DNAI1: variants seen among roughly 807,000 people sequenced by gnomAD.
DNAI1 encodes the protein dynein, axonemal, intermediate polypeptide 1.
A neutral mutation model predicts 92.0 loss-of-function variants in DNAI1; 67 were observed. The observed-to-expected ratio is 0.73, with a 90% CI of 0.60 to 0.89. The LOEUF is 0.89. DNAI1 is among the 40% of genes least tolerant of loss of function. The pLI, the probability that DNAI1 is intolerant of heterozygous loss-of-function variation, is 0.00. For synonymous variants in DNAI1, 323 were observed against 319.6 expected (o/e 1.01, Z -0.11); for missense variants, 839 against 866.6 (o/e 0.97, Z 0.40).
intron 15 of DNAI1, 107 bp downstream of exon 15, chr9:34,512,531 G>T: frequency 9.0e-7 from 1 of 1,108,192 alleles, no homozygotes. Context: ...TCCCCAACCT[G>T]TGCCAGGGCC....
chr9:34,484,966 A>T, intron 2 of DNAI1, 176 bp from the exon 3 acceptor site: 1 of 638,856 alleles, frequency 1.6e-6, no homozygotes, highest in South Asian at 1.7e-5. Context: ...GGCAATGAGA[A>T]CTCTGGCCTG....
In DNAI1 at chr9:34,468,294, G is replaced by A. The variant is rs867413823; in HGVS notation, c.48+9241G>A. Among the ~76,000 whole-genome samples the A allele has an allele frequency of 1.2e-4, 18 of 151,568 alleles. No individual in the cohort carries two copies. In the South Asian group the frequency reaches 3.7e-3, roughly 32 times the overall value. The stretch of plus-strand genomic sequence containing the variant: ...CCTTCCAGGTTCACGCCATTCTCCT[G>A]CCTCAGCCTCCCGAGTAGCTGGGAC... On this transcript the variant is annotated intron_variant, in intron 1 of 19. Transcript: ENST00000242317.
chr9:34,485,114 C>T, intron 2 of DNAI1, 28 bp from the exon 3 acceptor site: 1 of 1,612,156 alleles, frequency 6.2e-7, no homozygotes, highest in South Asian at 1.1e-5. Flanking sequence ...AAAGACACTC[C>T]CAAGCCTCAT....
chr9:34,506,526 G>A (rs1824932944), intron 12 of DNAI1, 101 bp from the exon 13 acceptor site: 2 of 1,513,044 alleles, frequency 1.3e-6, no homozygotes, highest in Admixed American at 1.8e-5. Flanking sequence ...CAGATGCAGA[G>A]CAGGGCAGGG....
chr9:34,490,263 ACT>A (rs993544408), intron 6 of DNAI1, 104 bp from the exon 7 acceptor site: 4 of 1,607,626 alleles, frequency 2.5e-6, no homozygotes, highest in East Asian at 2.2e-5. Flanking sequence ...TGGCAGCATC[ACT>A]CTCTCCTACC....
chr9:34,459,532 G>A (rs114316793), intron 1 of DNAI1, among the ~76,000 whole-genome samples: 3,245 of 149,196 alleles, frequency 0.022, 91 homozygotes, highest in East Asian at 0.12. Context: ...TGTAACCTCT[G>A]CCTCCTGGGT....
At position 34,512,432 on chromosome 9, in the gene DNAI1, C is replaced by G; in HGVS notation, c.1489+8C>G. 1 of 1,613,740 alleles carries G rather than the reference C, an allele frequency of 6.2e-7. No homozygotes were observed. Among genetic ancestry groups the G allele is most frequent in the Non-Finnish European group, 8.5e-7 (1 of 1,179,698 alleles). On this transcript the variant is annotated splice_region_variant and intron_variant, in intron 15 of 19. Coordinates refer to ENST00000242317, the MANE Select transcript of DNAI1 (RefSeq NM_012144.4). The stretch of plus-strand genomic sequence containing the variant: ...TGCAGCTGCACCCAGTGGGTAGGAG[C>G]CCCAGCCCTCTCACCTCCAGGCCTG...
chr9:34,518,853 G>A (rs1020383000), intron 19 of DNAI1, among the ~76,000 whole-genome samples: 21 of 126,540 alleles, frequency 1.7e-4, no homozygotes, highest in Admixed American at 5.3e-4. Context: ...TCAGACATGG[G>A]TGGGAGCCTG....
chr9:34,490,181 G>C lies in DNAI1; in HGVS notation c.501+57G>C, dbSNP rs2274590. On this transcript the variant is annotated intron_variant, in intron 6 of 19. Coordinates refer to ENST00000242317, the MANE Select transcript of DNAI1 (RefSeq NM_012144.4). ...CTTCCAGCTCAAGCTGTGGATGGAG[G>C]CTTCATGGGTAACTTGGGAAAGGAG... is the stretch of plus-strand genomic sequence containing the variant. The C allele has an allele frequency of 2.4e-4, 395 of 1,613,432 alleles. 3 individuals are homozygous for C. In the East Asian group the frequency reaches 7.9e-3, roughly 32 times the overall value.
Position 34,485,572 on chromosome 9 carries a change from G to C in DNAI1, c.261+55G>C, listed in dbSNP as rs930411245. On this transcript the variant is annotated intron_variant, in intron 4 of 19. Coordinates refer to ENST00000242317, the MANE Select transcript of DNAI1 (RefSeq NM_012144.4). The stretch of plus-strand genomic sequence containing the variant: ...CTATACCCATCTCCTTGGAGTGACA[G>C]TGACTTGCTACATTGCAAAAGCCTC... The C allele has an allele frequency of 5.8e-6, 9 of 1,540,268 alleles. No homozygotes were observed. In the East Asian group the frequency reaches 2.0e-4, roughly 35 times the overall value.
At chr9:34,500,926 C>T (rs1824819891) in intron 11 of DNAI1, 87 bp downstream of exon 11, 2 of 1,127,396 alleles carry the variant, frequency 1.8e-6, no homozygotes, top group East Asian at 4.7e-5. Context: ...ACTTAACCAC[C>T]TTGAGTATGA....
At chr9:34,512,045 C>T in intron 13 of DNAI1, 64 bp from the exon 14 acceptor site, 1 of 1,529,728 alleles carries the variant, frequency 6.5e-7, no homozygotes, top group Non-Finnish European at 9.1e-7. Context: ...GAGCCCTGCT[C>T]TGCCCACAGC....
chr9:34,490,859 A>G (rs994652286), intron 7 of DNAI1, among the ~76,000 whole-genome samples: 2 of 152,242 alleles, frequency 1.3e-5, no homozygotes, highest in Non-Finnish European at 2.9e-5. Context: ...GTGATAGACC[A>G]GCTGGCAAAG....
chr9:34,494,395 C>T (rs1265045487), intron 9 of DNAI1, among the ~76,000 whole-genome samples: 1 of 152,084 alleles, frequency 6.6e-6, no homozygotes, highest in Non-Finnish European at 1.5e-5. Context: ...CATGGCCGTG[C>T]GGGTACTGGA....
intron 16 of DNAI1, among the ~76,000 whole-genome samples, chr9:34,513,591 C>T (rs1825115035): frequency 6.6e-6 from 1 of 152,172 alleles, no homozygotes; most frequent in Non-Finnish European, 1.5e-5. Context: ...AGGATGGAAC[C>T]TCACGGTCAG....
intron 9 of DNAI1, among the ~76,000 whole-genome samples, chr9:34,494,691 G>A (rs1439684327): frequency 6.6e-6 from 1 of 152,184 alleles, no homozygotes; most frequent in Non-Finnish European, 1.5e-5. Context: ...AACATCCTCA[G>A]GGATGAGGGA....
intron 2 of DNAI1, among the ~76,000 whole-genome samples, chr9:34,483,957 T>G (rs1261729009): frequency 6.6e-6 from 1 of 152,232 alleles, no homozygotes. Flanking sequence ...GGCTCACTCC[T>G]GTAATCCTAG....
intron 13 of DNAI1, among the ~76,000 whole-genome samples, chr9:34,507,125 A>C (rs1824950547): frequency 1.3e-5 from 2 of 152,088 alleles, no homozygotes. Flanking sequence ...TTTGCTAAAG[A>C]TCTCTTAGAT....
rs372818966 is a variant in DNAI1 at position 34,514,398 on chromosome 9, C to G, written c.1574C>G (p.Ser525Cys). 6.8e-6 allele frequency: 11 copies of G among 1,613,950 alleles called. No homozygotes were observed. The Admixed American group carries it at 1.2e-4, about 17-fold the overall frequency. The change falls in exon 17 of 20, where the codon TCT (serine) becomes TGT (cysteine). Residue 525 changes from serine to cysteine, a missense_variant. Transcript: ENST00000242317. ...CCCCGTTCCCTCCCCGACCAGTGCT[C>G]TAAATCCTACTCCAGCCAATTCCTC... is the stretch of plus-strand genomic sequence containing the variant. Reference protein sequence around the residue: ...GTEEGKIYKCSKSYSSQFLDT... With the variant: ...GTEEGKIYKCCKSYSSQFLDT...
Sources: allele counts gnomAD v4.1 joint callset (sites outside exome capture counted in the v4.1 genomes callset), GRCh38; gene constraint gnomAD v4.1.1; transcripts MANE v1.5; gene names NCBI Gene and HGNC (gene_info 2026-07-23, HGNC 2026-07-21).